The following CWC27 variants were observed in gnomAD, a reference collection of about 807,000 sequenced individuals.
CWC27 encodes the protein spliceosome-associated protein CWC27 homolog.
CWC27 carries 47 observed loss-of-function variants against 63.6 expected under a neutral mutation model. The observed-to-expected ratio is 0.74, with a 90% CI of 0.58 to 0.94. CWC27 has a LOEUF of 0.94. Among genes scored for constraint, CWC27 ranks in the 40% least tolerant of loss-of-function variants. The pLI is 0.00. For synonymous variants in CWC27, 175 were observed against 179.8 expected (o/e 0.97, Z 0.22); for missense variants, 495 against 554.3 (o/e 0.89, Z 1.07).
intron 11 of CWC27, among the ~76,000 whole-genome samples, chr5:64,931,983 G>A (rs902737634): frequency 2.6e-5 from 4 of 151,918 alleles, no homozygotes; most frequent in African/African-American, 9.7e-5. Flanking sequence ...GTACACTTCT[G>A]TGTACACAAA....
chr5:65,010,238 G>A (rs939204840), intron 13 of CWC27, among the ~76,000 whole-genome samples: 3 of 152,140 alleles, frequency 2.0e-5, no homozygotes, highest in Non-Finnish European at 2.9e-5. Flanking sequence ...GGAAGGAGGC[G>A]GAAGGGCGTC....
intron 13 of CWC27, among the ~76,000 whole-genome samples, chr5:65,010,466 C>T (rs1418458743): frequency 6.6e-6 from 1 of 152,202 alleles, no homozygotes; most frequent in Non-Finnish European, 1.5e-5. Context: ...TTGTAATCCA[C>T]AGTCCCATAG....
At chr5:64,861,240 C>T (rs1412613619) in intron 10 of CWC27, among the ~76,000 whole-genome samples, 1 of 151,866 alleles carries the variant, frequency 6.6e-6, no homozygotes, top group Non-Finnish European at 1.5e-5. Flanking sequence ...TAGCAGTTAT[C>T]AAGCCTCTTC....
intron 7 of CWC27, among the ~76,000 whole-genome samples, chr5:64,791,926 CT>C (rs1744093531): frequency 6.6e-6 from 1 of 151,808 alleles, no homozygotes; most frequent in Admixed American, 6.6e-5. Context: ...CTGTTTTTTC[CT>C]TTTAATTTAT....
intron 11 of CWC27, among the ~76,000 whole-genome samples, chr5:64,968,953 A>G (rs571187593): frequency 6.6e-6 from 1 of 152,322 alleles, no homozygotes; most frequent in South Asian, 2.1e-4. Flanking sequence ...TATAAACAAC[A>G]TAGCTACAGA....
intron 10 of CWC27, among the ~76,000 whole-genome samples, chr5:64,874,018 G>T (rs969421711): frequency 6.6e-6 from 1 of 151,922 alleles, no homozygotes; most frequent in African/African-American, 2.4e-5. Flanking sequence ...TCAATTTATG[G>T]TGTCTCAAGT....
At chr5:65,010,321 G>T (rs1238328404) in intron 13 of CWC27, among the ~76,000 whole-genome samples, 1 of 152,178 alleles carries the variant, frequency 6.6e-6, no homozygotes, top group Non-Finnish European at 1.5e-5. Flanking sequence ...CAAAGGATCA[G>T]ATGTGGGCAA....
rs551107482 is a variant in CWC27, at chr5:64,835,789, A to G, written c.938+31403A>G. On this transcript the variant is annotated intron_variant, in intron 10 of 13. Transcript: ENST00000381070. ...CTTTTGTTTTATATCTTCATGTTTT[A>G]TATTTTTTATGAAGAAAACCACTGT... Among the ~76,000 whole-genome samples, 6 of 151,858 alleles carry G rather than the reference A, an allele frequency of 4.0e-5. No homozygotes were observed. The East Asian group carries it at 1.2e-3, about 29-fold the overall frequency.
In CWC27 at chr5:64,885,584, C is replaced by G. The variant is rs377120954; in HGVS notation, c.1042+38C>G. 10 of 1,423,696 alleles carry G rather than the reference C, an allele frequency of 7.0e-6. No homozygotes were observed. In the African/African-American group the frequency reaches 1.3e-4, roughly 18 times the overall value. 88.2% of individuals were successfully genotyped at this position (1,423,696 alleles called of 1,614,324 possible). A position where few individuals can be genotyped will look rare whatever the true frequency, so the allele number is the denominator to read the frequency against. On this transcript the variant is annotated intron_variant, in intron 11 of 13. Coordinates refer to ENST00000381070, the MANE Select transcript of CWC27 (RefSeq NM_005869.4). ...ATCACGCTTATTTTTTCACTTGATACTCCTCCTTCTCTGTTTTCTTAGCTC... is the reference window on the plus strand; with the variant it reads ...ATCACGCTTATTTTTTCACTTGATAGTCCTCCTTCTCTGTTTTCTTAGCTC...
chr5:64,942,438 TA>T (rs35936421), intron 11 of CWC27, among the ~76,000 whole-genome samples: 20,232 of 96,504 alleles, frequency 0.21, 1,662 homozygotes, highest in East Asian at 0.35. Context: ...CCTATCTCTT[TA>T]AAAAAAAAAA....
In CWC27 at chr5:64,782,123, T is replaced by C. The variant is rs149082008; in HGVS notation, c.252+90T>C. 5.4e-3 allele frequency: 3,545 copies of C among 662,198 alleles called. 32 individuals are homozygous for C. The highest frequency in any genetic ancestry group is 0.015 in the African/African-American group (811 of 53,762). The allele number at this position is 662,198 out of a possible 1,614,324, so 41.0% of individuals were successfully genotyped here. ...ATTGCTTAATCGAAAATGATTGTGT[T>C]CCACAAGAGGAAAAAACGTTTCACA... On this transcript the variant is annotated intron_variant, in intron 3 of 13. Transcript: ENST00000381070.
In CWC27 at chr5:64,986,058, G is replaced by A. The variant is rs563417479; in HGVS notation, c.1256+8820G>A. ...AGGAGATCTGATGGTTTTATAAGTG[G>A]CTGACATTTCTTCTGCTTGCATTTC... On this transcript the variant is annotated intron_variant, in intron 13 of 13. Coordinates refer to ENST00000381070, the MANE Select transcript of CWC27 (RefSeq NM_005869.4). 1.4e-4 allele frequency among the ~76,000 whole-genome samples: 22 copies of A among 152,084 alleles called. No homozygotes were observed. In the South Asian group the frequency reaches 3.3e-3, roughly 23 times the overall value.
intron 10 of CWC27, among the ~76,000 whole-genome samples, chr5:64,878,994 A>G (rs183156203): frequency 5.3e-5 from 8 of 152,044 alleles, no homozygotes; most frequent in Admixed American, 3.9e-4. Context: ...GAATGGAAGA[A>G]AGGTCAGACT....
intron 7 of CWC27, among the ~76,000 whole-genome samples, chr5:64,793,759 A>G (rs1744159076): frequency 6.6e-6 from 1 of 152,142 alleles, no homozygotes; most frequent in Non-Finnish European, 1.5e-5. Context: ...TCATTTGTTT[A>G]TCAAGTTTCT....
intron 12 of CWC27, among the ~76,000 whole-genome samples, chr5:64,974,213 G>A (rs139999342): frequency 1.6e-3 from 247 of 152,122 alleles, no homozygotes; most frequent in African/African-American, 5.8e-3. Flanking sequence ...ACTCCAGCCT[G>A]GGTGACAGAG....
At chr5:64,914,858 C>G (rs1747860610) in intron 11 of CWC27, among the ~76,000 whole-genome samples, 1 of 152,064 alleles carries the variant, frequency 6.6e-6, no homozygotes, top group South Asian at 2.1e-4. Context: ...TATCTATCAT[C>G]AACAGAGTGG....
chr5:64,799,657 A>G (rs1220978011), intron 7 of CWC27, among the ~76,000 whole-genome samples: 2 of 150,060 alleles, frequency 1.3e-5, no homozygotes, highest in African/African-American at 2.5e-5. Context: ...ACCTTTTTAT[A>G]TCTTGTTTCC....
chr5:64,990,235 T>C (rs1331982533), intron 13 of CWC27, among the ~76,000 whole-genome samples: 1 of 124,424 alleles, frequency 8.0e-6, no homozygotes, highest in Non-Finnish European at 1.8e-5. Flanking sequence ...CTAGAGTTTT[T>C]ATTTGTTTTT....
intron 4 of CWC27, 148 bp from the exon 5 acceptor site, chr5:64,785,333 G>T (rs1244106662): frequency 5.0e-6 from 2 of 401,380 alleles, no homozygotes; most frequent in African/African-American, 4.2e-5. Context: ...AGATAAAGTT[G>T]CTTTATTTGC....
Sources: allele counts gnomAD v4.1 joint callset (sites outside exome capture counted in the v4.1 genomes callset), GRCh38; gene constraint gnomAD v4.1.1; transcripts MANE v1.5; gene names NCBI Gene and HGNC (gene_info 2026-07-23, HGNC 2026-07-21).